The following GMEB1 variants were observed in gnomAD, a reference collection of about 807,000 sequenced individuals.
The protein encoded by GMEB1 is glucocorticoid modulatory element binding protein 1, also known as glucocorticoid modulatory element-binding protein 1.
A neutral mutation model predicts 52.4 loss-of-function variants in GMEB1; 6 were observed. That is an observed-to-expected ratio of 0.11 (90% CI 0.06 to 0.23). The LOEUF (loss-of-function observed/expected upper bound fraction) is 0.23, where lower values mean the gene tolerates loss of function less well. Ranked by LOEUF, GMEB1 falls within the 10% of genes least tolerant of loss-of-function variation. The probability of loss-of-function intolerance (pLI) is 1.00; values close to 1 mark genes in which losing one functional copy is unlikely to be tolerated. For missense variants in GMEB1, 486 were observed against 685.6 expected (o/e 0.71, Z 3.25); for synonymous variants, 255 against 244.9 (o/e 1.04, Z -0.38).
At chr1:28,711,782 A>G (rs920287251) in intron 9 of GMEB1, among the ~76,000 whole-genome samples, 1 of 152,218 alleles carries the variant, frequency 6.6e-6, no homozygotes, top group Non-Finnish European at 1.5e-5. Flanking sequence ...GTTGCTACTC[A>G]GTACTCAGTA....
intron 9 of GMEB1, among the ~76,000 whole-genome samples, chr1:28,712,856 A>G (rs1671122533): frequency 6.7e-6 from 1 of 149,216 alleles, no homozygotes; most frequent in African/African-American, 2.5e-5. Flanking sequence ...AGATATAAAG[A>G]CATTTACCAC....
chr1:28,701,833 T>C (rs1374863345), intron 6 of GMEB1, among the ~76,000 whole-genome samples: 1 of 152,190 alleles, frequency 6.6e-6, no homozygotes, highest in Non-Finnish European at 1.5e-5. Context: ...GTGCTAGGAT[T>C]ACAGGCATGA....
intron 1 of GMEB1, among the ~76,000 whole-genome samples, chr1:28,683,158 T>G (rs1452704238): frequency 1.3e-5 from 2 of 152,108 alleles, no homozygotes; most frequent in African/African-American, 4.8e-5. Flanking sequence ...TAGAGGCCCA[T>G]GGTCTCTAGG....
intron 1 of GMEB1, among the ~76,000 whole-genome samples, chr1:28,669,287 G>C (rs899107733): frequency 6.6e-6 from 1 of 151,944 alleles, no homozygotes; most frequent in Non-Finnish European, 1.5e-5. Flanking sequence ...CGGGGAGCCT[G>C]GGGTATCCCC....
At chr1:28,712,995 C>CA (rs35776002) in intron 9 of GMEB1, among the ~76,000 whole-genome samples, 107,570 of 147,224 alleles carry the variant, frequency 0.73, 39,426 homozygotes, top group African/African-American at 0.81. Flanking sequence ...TACTAAAATA[C>CA]AAAAAAAAAA....
chr1:28,675,679 C>CAAAA (rs11316891), intron 1 of GMEB1, among the ~76,000 whole-genome samples: 4 of 100,164 alleles, frequency 4.0e-5, no homozygotes, highest in Non-Finnish European at 6.0e-5. Context: ...GACTCTGTCT[C>CAAAA]AAAAAAAAAA....
At position 28,696,911 on chromosome 1, in the gene GMEB1, G is replaced by C. The variant is rs747677081; in HGVS notation, c.441-16G>C. 3.8e-6 allele frequency: 6 copies of C among 1,588,098 alleles called. No homozygotes were observed. The highest frequency in any genetic ancestry group is 5.2e-6 in the Non-Finnish European group (6 of 1,163,840). On this transcript the variant is annotated splice_polypyrimidine_tract_variant and intron_variant, in intron 5 of 9. Transcript: ENST00000373816. ...AGTATAGGCTGAACTGGTACTTCTT[G>C]TCTCCCTTTGCACAGGAAAATGATG... is the stretch of plus-strand genomic sequence containing the variant.
intron 9 of GMEB1, among the ~76,000 whole-genome samples, chr1:28,711,943 G>A (rs1671078434): frequency 3.9e-5 from 6 of 152,114 alleles, no homozygotes. Flanking sequence ...ACACAGGTGA[G>A]GCTCAGTCCC....
chr1:28,703,590 G>A (rs933738283), intron 7 of GMEB1, among the ~76,000 whole-genome samples: 1 of 151,944 alleles, frequency 6.6e-6, no homozygotes, highest in Non-Finnish European at 1.5e-5. Context: ...AACCTGGGAG[G>A]TGGAGGTTGC....
At chr1:28,669,889 G>C (rs1432126829) in intron 1 of GMEB1, among the ~76,000 whole-genome samples, 6 of 152,156 alleles carry the variant, frequency 3.9e-5, no homozygotes, top group Admixed American at 3.3e-4. Context: ...TCAACCCGAG[G>C]GTCTTTGGAG....
chr1:28,674,744 A>T (rs1570377490), intron 1 of GMEB1, among the ~76,000 whole-genome samples: 1 of 79,604 alleles, frequency 1.3e-5, no homozygotes. Flanking sequence ...TTTGAGACGG[A>T]GTCTCGCTCT....
In GMEB1 at chr1:28,710,555, G is replaced by A. The variant is rs1671005856; in HGVS notation, c.904G>A (p.Gly302Ser). The change falls in exon 9 of 10, where the codon GGC becomes AGC. Residue 302 changes from glycine (G) to serine (S), a missense_variant. Coordinates refer to ENST00000373816, the MANE Select transcript of GMEB1 (RefSeq NM_001319674.2). ...TCTCAACAATGTAGCACACACATTT[G>A]GCCTAATGGACACAGTCAAGAAGGT... ...AVLNNVAHTFGLMDTVKKVLD... is the reference protein window; with the variant it reads ...AVLNNVAHTFSLMDTVKKVLD... 1 of 1,610,466 alleles carries A rather than the reference G, an allele frequency of 6.2e-7. No homozygotes were observed. Among genetic ancestry groups the A allele is most frequent in the Non-Finnish European group, 8.5e-7 (1 of 1,178,248 alleles).
At chr1:28,693,711 A>G (rs948861288) in intron 5 of GMEB1, among the ~76,000 whole-genome samples, 9 of 152,176 alleles carry the variant, frequency 5.9e-5, no homozygotes, top group African/African-American at 2.2e-4. Flanking sequence ...TCCGCTTCCC[A>G]AAGTGCTAGG....
chr1:28,693,244 A>C (rs1386837420), intron 5 of GMEB1, among the ~76,000 whole-genome samples, 199 bp downstream of exon 5: 4 of 148,662 alleles, frequency 2.7e-5, no homozygotes, highest in African/African-American at 7.5e-5. Context: ...TCTGAGATGG[A>C]GTCTCACTCT....
intron 7 of GMEB1, 129 bp downstream of exon 7, chr1:28,702,698 C>A: frequency 2.8e-6 from 2 of 704,480 alleles, no homozygotes; most frequent in South Asian, 1.8e-5. Flanking sequence ...CTAACTATAG[C>A]TACAAACATC....
At chr1:28,696,111 A>G (rs1670198116) in intron 5 of GMEB1, among the ~76,000 whole-genome samples, 1 of 151,494 alleles carries the variant, frequency 6.6e-6, no homozygotes. Flanking sequence ...TCTGTCACCC[A>G]GGCTGGAGTG....
At chr1:28,679,804 T>C (rs888031798) in intron 1 of GMEB1, among the ~76,000 whole-genome samples, 14 of 145,358 alleles carry the variant, frequency 9.6e-5, no homozygotes, top group Non-Finnish European at 2.0e-4. Context: ...GGCTCACACT[T>C]TTTTTTTTTT....
chr1:28,711,994 C>T (rs1671080256), intron 9 of GMEB1, among the ~76,000 whole-genome samples: 1 of 151,454 alleles, frequency 6.6e-6, no homozygotes, highest in Non-Finnish European at 1.5e-5. Context: ...GTGACCTGTG[C>T]TTTTTTTTTC....
intron 2 of GMEB1, among the ~76,000 whole-genome samples, chr1:28,684,615 C>T (rs933507944): frequency 6.7e-6 from 1 of 150,270 alleles, no homozygotes; most frequent in African/African-American, 2.4e-5. Context: ...TGGAAGCCAT[C>T]ATCCTCACCA....
Sources: gnomAD v4.1 joint callset for allele counts (sites outside exome capture counted in the v4.1 genomes callset) on GRCh38, gnomAD v4.1.1 for gene constraint, MANE v1.5 for transcripts, NCBI Gene and HGNC (gene_info 2026-07-23, HGNC 2026-07-21) for gene names.